Variants in RANBP17 observed in about 807,000 individuals in gnomAD.
RANBP17 encodes RAN binding protein 17.
A neutral mutation model predicts 141.2 loss-of-function variants in RANBP17; 158 were observed. That is an observed-to-expected ratio of 1.12 (90% CI 0.98 to 1.28). RANBP17 has a LOEUF of 1.28. RANBP17 is among the 50% of genes most tolerant of loss of function. The pLI is 0.00. For synonymous variants in RANBP17, 430 were observed against 450.0 expected (o/e 0.96, Z 0.56); for missense variants, 1,438 against 1,290.7 (o/e 1.11, Z -1.75).
chr5:171,076,675 C>T (rs1178560305), intron 14 of RANBP17, among the ~76,000 whole-genome samples: 1 of 152,110 alleles, frequency 6.6e-6, no homozygotes, highest in Non-Finnish European at 1.5e-5. Context: ...CTTGAAGAGA[C>T]TTCCAAAGGC....
At chr5:170,912,382 C>T (rs1581128313) in intron 7 of RANBP17, among the ~76,000 whole-genome samples, 1 of 151,964 alleles carries the variant, frequency 6.6e-6, no homozygotes. Flanking sequence ...TAGGAGTTCA[C>T]GGGGTCTTTC....
Position 170,993,891 on chromosome 5 carries a change from T to TAAAAAAGGA in RANBP17, c.1710+25515_1710+25523dup, listed in dbSNP as rs1778658365. Among the ~76,000 whole-genome samples the TAAAAAAGGA allele has an allele frequency of 2.6e-5, 4 of 152,062 alleles. No individual in the cohort carries two copies. In the South Asian group the frequency reaches 8.3e-4, roughly 32 times the overall value. On this transcript the variant is annotated intron_variant, in intron 14 of 27. Coordinates refer to ENST00000523189, the MANE Select transcript of RANBP17 (RefSeq NM_022897.5). The stretch of plus-strand genomic sequence containing the variant: ...TTTAACAAGTTAACAGCAATTATTT[T>TAAAAAAGGA]AAAAAAGGATTTTTTTTCCAAAATA...
rs543316360 is a variant in RANBP17, at chr5:171,267,479, T to C, written c.2943+1632T>C. Among the ~76,000 whole-genome samples, 7 of 152,286 alleles carry C rather than the reference T, an allele frequency of 4.6e-5. No homozygotes were observed. The South Asian group carries it at 1.4e-3, about 32-fold the overall frequency. ...AACACATCAATAGTGTGTTGCTATA[T>C]GACCGTTAGGGAGCAAATAAGTTGC... On this transcript the variant is annotated intron_variant, in intron 25 of 27. Coordinates refer to ENST00000523189, the MANE Select transcript of RANBP17 (RefSeq NM_022897.5).
chr5:171,006,707 G>A (rs184872370), intron 14 of RANBP17, among the ~76,000 whole-genome samples: 33 of 149,706 alleles, frequency 2.2e-4, no homozygotes. Flanking sequence ...TAACAAATCT[G>A]CACATTGTGC....
chr5:171,058,250 T>C (rs1299959471), intron 14 of RANBP17, among the ~76,000 whole-genome samples: 2 of 151,658 alleles, frequency 1.3e-5, no homozygotes, highest in East Asian at 3.9e-4. Context: ...CATGCTGGTG[T>C]GCTGCACCCA....
chr5:170,955,437 AT>A (rs1775540277), intron 13 of RANBP17, among the ~76,000 whole-genome samples: 1 of 142,136 alleles, frequency 7.0e-6, no homozygotes, highest in Non-Finnish European at 1.5e-5. Flanking sequence ...CTTCTAACTT[AT>A]TTGAAAGAGC....
intron 12 of RANBP17, among the ~76,000 whole-genome samples, chr5:170,925,611 C>A (rs376975208): frequency 6.6e-6 from 1 of 152,132 alleles, no homozygotes; most frequent in Non-Finnish European, 1.5e-5. Context: ...TTGCCAATAC[C>A]TTTGCAGCAT....
intron 14 of RANBP17, among the ~76,000 whole-genome samples, chr5:171,097,461 A>G (rs576501142): frequency 6.6e-6 from 1 of 152,112 alleles, no homozygotes; most frequent in African/African-American, 2.4e-5. Flanking sequence ...TAATAAGTGT[A>G]TACAGTTAGA....
Position 171,170,233 on chromosome 5 carries a change from CT to C in RANBP17, c.1784+34del, listed in dbSNP as rs2127881412. 3 of 1,305,184 alleles carry C rather than the reference CT, an allele frequency of 2.3e-6. No homozygotes were observed. In the East Asian group the frequency reaches 7.3e-5, roughly 32 times the overall value. 80.9% of individuals were successfully genotyped at this position (1,305,184 alleles called of 1,614,324 possible). A position where few individuals can be genotyped will look rare whatever the true frequency, so the allele number is the denominator to read the frequency against. On this transcript the variant is annotated intron_variant, in intron 15 of 27. Transcript: ENST00000523189. ...GTTCTTGTTTTGGTCTTTAATTTTT[CT>C]TTTGTTGTTGTTTTAAATGTAATAG...
intron 12 of RANBP17, among the ~76,000 whole-genome samples, chr5:170,926,437 T>C (rs976316348): frequency 9.2e-4 from 132 of 144,242 alleles, no homozygotes; most frequent in African/African-American, 3.1e-3. Context: ...TATTGATTGT[T>C]GTATCATCAT....
intron 14 of RANBP17, among the ~76,000 whole-genome samples, chr5:171,099,845 C>T (rs1787007797): frequency 4.6e-5 from 7 of 152,058 alleles, no homozygotes; most frequent in Admixed American, 3.3e-4. Flanking sequence ...GCTTTTTCTG[C>T]GTCTATTGAG....
intron 14 of RANBP17, among the ~76,000 whole-genome samples, chr5:171,025,360 A>G (rs1230993407): frequency 6.6e-6 from 1 of 151,840 alleles, no homozygotes; most frequent in African/African-American, 2.4e-5. Context: ...ATGCTATACC[A>G]TTTTCCTTTT....
chr5:171,077,050 G>A (rs1055040653), intron 14 of RANBP17, among the ~76,000 whole-genome samples: 3 of 152,096 alleles, frequency 2.0e-5, no homozygotes, highest in Non-Finnish European at 2.9e-5. Context: ...TAAAAAAGGT[G>A]TACAACATGC....
At chr5:171,042,846 C>T (rs186532033) in intron 14 of RANBP17, among the ~76,000 whole-genome samples, 8 of 152,128 alleles carry the variant, frequency 5.3e-5, no homozygotes, top group Admixed American at 2.0e-4. Flanking sequence ...TAAATTTGTG[C>T]TTTGTACAGA....
chr5:171,031,640 GACAC>G (rs1222398192), intron 14 of RANBP17, among the ~76,000 whole-genome samples: 2 of 151,694 alleles, frequency 1.3e-5, no homozygotes, highest in African/African-American at 4.8e-5. Flanking sequence ...GCCTCTGTAG[GACAC>G]ACACAGAAAA....
chr5:171,168,178 C>T (rs887400003), intron 14 of RANBP17, among the ~76,000 whole-genome samples: 5 of 152,076 alleles, frequency 3.3e-5, no homozygotes, highest in South Asian at 4.1e-4. Flanking sequence ...GTGTGAAAAG[C>T]GCCATGACAG....
chr5:171,265,488 C>T (rs572869344), intron 24 of RANBP17, among the ~76,000 whole-genome samples, 193 bp from the exon 25 acceptor site: 2 of 152,302 alleles, frequency 1.3e-5, no homozygotes, highest in South Asian at 4.1e-4. Flanking sequence ...CAAGATCACG[C>T]CATTGCACTC....
At chr5:171,034,837 G>T (rs1265990562) in intron 14 of RANBP17, among the ~76,000 whole-genome samples, 2 of 151,946 alleles carry the variant, frequency 1.3e-5, no homozygotes, top group African/African-American at 4.8e-5. Context: ...GTTTTTTTGA[G>T]ACAAGGTCTC....
intron 14 of RANBP17, among the ~76,000 whole-genome samples, chr5:171,169,343 A>G (rs1759938625): frequency 6.6e-6 from 1 of 152,198 alleles, no homozygotes; most frequent in Admixed American, 6.5e-5. Context: ...ACACCAGAGC[A>G]TCAGGGAGTA....
Sources: gnomAD v4.1 joint callset for allele counts (sites outside exome capture counted in the v4.1 genomes callset) on GRCh38, gnomAD v4.1.1 for gene constraint, MANE v1.5 for transcripts, NCBI Gene and HGNC (gene_info 2026-07-23, HGNC 2026-07-21) for gene names.